Variants in PIK3AP1 observed in about 807,000 individuals in gnomAD.
PIK3AP1 encodes the protein phosphoinositide-3-kinase adaptor protein 1.
PIK3AP1 carries 21 observed loss-of-function variants against 88.1 expected under a neutral mutation model. The observed-to-expected ratio is 0.24, with a 90% CI of 0.17 to 0.34. The LOEUF (loss-of-function observed/expected upper bound fraction) is 0.34. Among genes scored for constraint, PIK3AP1 ranks in the 10% least tolerant of loss-of-function variants. The pLI is 1.00. For missense variants in PIK3AP1, 828 were observed against 1,035.7 expected, an observed-to-expected ratio of 0.80 and a Z score of 2.75; for synonymous variants, 398 against 400.0, an observed-to-expected ratio of 1.00 and a Z score of 0.06.
intron 9 of PIK3AP1, among the ~76,000 whole-genome samples, chr10:96,627,249 G>GC (rs1843166720): frequency 6.6e-6 from 1 of 152,196 alleles, no homozygotes; most frequent in African/African-American, 2.4e-5. Flanking sequence ...GAAAGGTGGG[G>GC]CGTTCACTGC....
intron 10 of PIK3AP1, among the ~76,000 whole-genome samples, chr10:96,625,458 C>T (rs1243234839): frequency 6.6e-6 from 1 of 152,210 alleles, no homozygotes; most frequent in Admixed American, 6.5e-5. Flanking sequence ...CAGCACCTGG[C>T]AGTACATAAT....
intron 4 of PIK3AP1, among the ~76,000 whole-genome samples, chr10:96,652,403 C>T (rs193013704): frequency 8.7e-4 from 132 of 152,180 alleles, no homozygotes; most frequent in African/African-American, 3.1e-3. Context: ...GAAACTCCGT[C>T]TCTACTAAAA....
chr10:96,679,349 G>A (rs1589533411), intron 2 of PIK3AP1, among the ~76,000 whole-genome samples: 3 of 152,156 alleles, frequency 2.0e-5, no homozygotes, highest in African/African-American at 7.2e-5. Flanking sequence ...CCAACATGGT[G>A]AAACCCCGCC....
chr10:96,639,258 G>A (rs577710621), intron 8 of PIK3AP1, among the ~76,000 whole-genome samples: 3 of 152,268 alleles, frequency 2.0e-5, no homozygotes, highest in Non-Finnish European at 2.9e-5. Flanking sequence ...CCACAAAGTC[G>A]AGAATTACAT....
In PIK3AP1 at chr10:96,620,334, C is replaced by G; in HGVS notation, c.1941+18G>C. The G allele has an allele frequency of 1.2e-6, 2 of 1,612,274 alleles. No homozygotes were observed. The highest frequency in any genetic ancestry group is 1.1e-5 in the South Asian group (1 of 90,842). ...TGGGGAAATAGACATGAAACAAATT[C>G]CATACGAAGCTAGTTACCTGCTGGA... is the stretch of plus-strand genomic sequence containing the variant. On this transcript the variant is annotated intron_variant, in intron 12 of 16. Transcript: ENST00000339364.
At chr10:96,718,728 A>T (rs530519827) in intron 1 of PIK3AP1, among the ~76,000 whole-genome samples, 62 of 151,664 alleles carry the variant, frequency 4.1e-4, no homozygotes, top group African/African-American at 1.4e-3. Context: ...ATTTTCTCAG[A>T]CTCTTCCACC....
chr10:96,629,909 C>CAAAAAAAAAAAA (rs66669261), intron 8 of PIK3AP1, among the ~76,000 whole-genome samples: 1 of 5,414 alleles, frequency 1.8e-4, no homozygotes. Flanking sequence ...CAACAACAAC[C>CAAAAAAAAAAAA]AAAAAAAAAA....
At chr10:96,640,669 T>A (rs1265244616) in intron 8 of PIK3AP1, among the ~76,000 whole-genome samples, 3 of 152,044 alleles carry the variant, frequency 2.0e-5, no homozygotes, top group African/African-American at 7.2e-5. Flanking sequence ...CTTTTTTTTT[T>A]AATTTTTGAG....
At chr10:96,639,321 A>C (rs574484514) in intron 8 of PIK3AP1, among the ~76,000 whole-genome samples, 23 of 152,318 alleles carry the variant, frequency 1.5e-4, no homozygotes, top group Non-Finnish European at 2.6e-4. Flanking sequence ...TATTGTGTAC[A>C]GCACTGGGAT....
intron 14 of PIK3AP1, among the ~76,000 whole-genome samples, chr10:96,605,241 C>G (rs1210823290): frequency 6.6e-6 from 1 of 152,198 alleles, no homozygotes; most frequent in African/African-American, 2.4e-5. Flanking sequence ...AATTTATCAC[C>G]TGTATCATTA....
intron 16 of PIK3AP1, among the ~76,000 whole-genome samples, chr10:96,597,620 C>T (rs1049092133): frequency 5.9e-5 from 9 of 152,056 alleles, no homozygotes; most frequent in African/African-American, 1.2e-4. Context: ...GCAAGTTCAA[C>T]GCCTCTGCAA....
rs35035564 is a variant in PIK3AP1, at chr10:96,648,752, C to A, written c.1092G>T (p.Ala364=). The A allele has an allele frequency of 6.2e-6, 10 of 1,610,804 alleles. No homozygotes were observed. Among genetic ancestry groups the A allele is most frequent in the Middle Eastern group, 1.7e-4 (1 of 6,056 alleles). Residue 364 remains alanine, a synonymous_variant, in exon 7 of 17, where the codon GCG becomes GCT. Coordinates refer to ENST00000339364, the MANE Select transcript of PIK3AP1 (RefSeq NM_152309.3). ...LLLTCPGALQ[A]YSVANKHGHY... ...GGCCATGCTTGTTGGCCACGCTGTA[C>A]GCCTGCAGGGCTCCTGGGCAGGTGA... is the stretch of plus-strand genomic sequence containing the variant.
Position 96,595,463 on chromosome 10 carries a change from G to T in PIK3AP1, c.*114C>A. The stretch of plus-strand genomic sequence containing the variant: ...AGGGCTGCAGCATTATCAGCAATGA[G>T]AATGGATCTTAAGGTCAACAGTCAT... On this transcript the variant is annotated 3_prime_UTR_variant, in exon 17 of 17. Transcript: ENST00000339364. 8.7e-7 allele frequency: 1 copy of T among 1,145,804 alleles called. No homozygotes were observed. Among genetic ancestry groups the T allele is most frequent in the Non-Finnish European group, 1.3e-6 (1 of 780,492 alleles). The allele number at this position is 1,145,804 out of a possible 1,614,324, so 71.0% of individuals were successfully genotyped here. A position where few individuals can be genotyped will look rare whatever the true frequency, so the allele number is the denominator to read the frequency against.
At chr10:96,705,574 C>T (rs1844350343) in intron 2 of PIK3AP1, among the ~76,000 whole-genome samples, 1 of 150,476 alleles carries the variant, frequency 6.6e-6, no homozygotes, top group South Asian at 2.1e-4. Flanking sequence ...TTTTCCATTG[C>T]ATTTCTTTTT....
At chr10:96,651,723 T>C in intron 4 of PIK3AP1, 72 bp from the exon 5 acceptor site, 4 of 1,529,838 alleles carry the variant, frequency 2.6e-6, no homozygotes, top group Non-Finnish European at 3.6e-6. Context: ...GCTGTGGATA[T>C]ACACACTCCA....
chr10:96,641,663 C>T (rs1208611170), intron 8 of PIK3AP1, among the ~76,000 whole-genome samples: 1 of 152,182 alleles, frequency 6.6e-6, no homozygotes. Context: ...GACAGATTTG[C>T]CTCCTGGGAA....
At chr10:96,631,891 A>T (rs1843249711) in intron 8 of PIK3AP1, among the ~76,000 whole-genome samples, 3 of 149,886 alleles carry the variant, frequency 2.0e-5, no homozygotes, top group Admixed American at 1.3e-4. Flanking sequence ...CTCAAAAAAC[A>T]AAACAAAACA....
chr10:96,654,455 G>A (rs1331061227), intron 3 of PIK3AP1, among the ~76,000 whole-genome samples: 1 of 151,948 alleles, frequency 6.6e-6, no homozygotes, highest in East Asian at 1.9e-4. Flanking sequence ...CACGTGATGT[G>A]GGGGGTGATC....
At chr10:96,655,784 T>C (rs1240269281) in intron 3 of PIK3AP1, among the ~76,000 whole-genome samples, 1 of 152,202 alleles carries the variant, frequency 6.6e-6, no homozygotes, top group Non-Finnish European at 1.5e-5. Context: ...AGACATGCCT[T>C]TCCTCCTCCT....
Sources: gnomAD v4.1 joint callset for allele counts (sites outside exome capture counted in the v4.1 genomes callset) on GRCh38, gnomAD v4.1.1 for gene constraint, MANE v1.5 for transcripts, NCBI Gene and HGNC (gene_info 2026-07-23, HGNC 2026-07-21) for gene names.